The following LTBP1 variants were observed in gnomAD, a reference collection of about 807,000 sequenced individuals.
The protein encoded by LTBP1 is latent-transforming growth factor beta-binding protein 1.
Under a neutral mutation model 207.6 loss-of-function variants are expected in LTBP1, and 129 were observed. The ratio of observed to expected loss-of-function variants is 0.62; its 90% confidence interval spans 0.54 to 0.72. LTBP1 has a LOEUF of 0.72. LTBP1 is among the 30% of genes least tolerant of loss of function. The probability of loss-of-function intolerance (pLI) is 0.00; values close to 1 mark genes in which losing one functional copy is unlikely to be tolerated. For missense variants in LTBP1, 2,281 were observed against 2,217.2 expected, an observed-to-expected ratio of 1.03 and a Z score of -0.58; for synonymous variants, 963 against 833.7, an observed-to-expected ratio of 1.16 and a Z score of -2.67.
chr2:33,124,675 G>T (rs1432551421), intron 4 of LTBP1, among the ~76,000 whole-genome samples: 1 of 152,202 alleles, frequency 6.6e-6, no homozygotes, highest in Non-Finnish European at 1.5e-5. Context: ...GTATATCATG[G>T]TTTAAATGTC....
intron 2 of LTBP1, among the ~76,000 whole-genome samples, chr2:32,949,678 C>T (rs1037625): frequency 0.37 from 56,248 of 152,040 alleles, 10,712 homozygotes; most frequent in East Asian, 0.53. Context: ...CATAAAGGAG[C>T]CTTACCTTCC....
chr2:33,293,376 G>C, intron 20 of LTBP1, 94 bp downstream of exon 20: 1 of 1,310,692 alleles, frequency 7.6e-7, no homozygotes, highest in Non-Finnish European at 1.0e-6. Context: ...CCTGCTACCT[G>C]TGTTTATTTT....
intron 2 of LTBP1, among the ~76,000 whole-genome samples, chr2:32,969,243 G>GTA (rs1319415440): frequency 2.0e-5 from 3 of 147,770 alleles, no homozygotes; most frequent in Non-Finnish European, 4.5e-5. Flanking sequence ...GTGTGTGTGT[G>GTA]TGTGTGTGTG....
At chr2:33,137,698 G>A (rs1222412497) in intron 5 of LTBP1, among the ~76,000 whole-genome samples, 1 of 93,442 alleles carries the variant, frequency 1.1e-5, no homozygotes, top group Non-Finnish European at 2.5e-5. Flanking sequence ...TACAGTTTTT[G>A]TTTGTTTGTT....
At chr2:33,089,534 C>T in intron 3 of LTBP1, among the ~76,000 whole-genome samples, 1 of 152,188 alleles carries the variant, frequency 6.6e-6, no homozygotes, top group African/African-American at 2.4e-5. Context: ...TAGCCCCCTA[C>T]AACAGAGAAT....
At chr2:33,323,176 C>G (rs1384196058) in intron 24 of LTBP1, among the ~76,000 whole-genome samples, 1 of 152,168 alleles carries the variant, frequency 6.6e-6, no homozygotes, top group Non-Finnish European at 1.5e-5. Context: ...AGAACACTTA[C>G]ACTAGCCTAT....
chr2:32,951,321 C>G (rs1189308219), intron 2 of LTBP1, among the ~76,000 whole-genome samples: 2 of 152,192 alleles, frequency 1.3e-5, no homozygotes, highest in African/African-American at 4.8e-5. Flanking sequence ...ATTCACAGCT[C>G]TCTTCAGAAA....
rs551101598 is a variant in LTBP1, at chr2:33,010,814, G to C, written c.566-10095G>C. On this transcript the variant is annotated intron_variant, in intron 2 of 33. Coordinates refer to ENST00000404816, the MANE Select transcript of LTBP1 (RefSeq NM_206943.4). ...GTCTCACTGCAACCTCTGCCTCCTG[G>C]GTTCAAGTGATTCTTCTGCCTCAGC... Among the ~76,000 whole-genome samples, 49 of 151,250 alleles carry C rather than the reference G, an allele frequency of 3.2e-4. 1 individual carries two copies. The highest frequency in any genetic ancestry group is 1.1e-3 in the African/African-American group (46 of 41,142).
At chr2:33,325,842 T>G (rs2094419490) in intron 24 of LTBP1, among the ~76,000 whole-genome samples, 1 of 152,208 alleles carries the variant, frequency 6.6e-6, no homozygotes, top group South Asian at 2.1e-4. Flanking sequence ...TACCTACAGG[T>G]GTAGAAAGGT....
rs190078935 is a variant in LTBP1, at chr2:32,987,390, T to C, written c.566-33519T>C. Among the ~76,000 whole-genome samples the C allele has an allele frequency of 7.9e-5, 12 of 152,138 alleles. No homozygotes were observed. The East Asian group carries it at 1.9e-3, about 25-fold the overall frequency. On this transcript the variant is annotated intron_variant, in intron 2 of 33. Coordinates refer to ENST00000404816, the MANE Select transcript of LTBP1 (RefSeq NM_206943.4). ...CTGTCCTTGCTTGCTGTTCATGTAT[T>C]GAGGGGGTTGCATCAGCTGGGCCAG...
intron 5 of LTBP1, among the ~76,000 whole-genome samples, chr2:33,139,652 G>C (rs1329478414): frequency 6.6e-6 from 1 of 152,204 alleles, no homozygotes; most frequent in Non-Finnish European, 1.5e-5. Context: ...CCTGATTGTG[G>C]ACTGAAGGGA....
intron 3 of LTBP1, among the ~76,000 whole-genome samples, chr2:33,067,274 A>C (rs2077560005): frequency 6.6e-6 from 1 of 152,256 alleles, no homozygotes. Context: ...GTTGATAATG[A>C]ATTCAACATA....
chr2:33,327,153 G>A (rs895408447), intron 24 of LTBP1, among the ~76,000 whole-genome samples: 4 of 152,128 alleles, frequency 2.6e-5, no homozygotes, highest in South Asian at 4.1e-4. Context: ...CTGGGAAGGG[G>A]GTGAGTCCAG....
intron 15 of LTBP1, among the ~76,000 whole-genome samples, chr2:33,265,229 C>G (rs2093141828): frequency 6.6e-6 from 1 of 152,154 alleles, no homozygotes. Flanking sequence ...ATCCCTTAGC[C>G]CAGTCCAGTT....
At chr2:33,322,722 G>A (rs1480032308) in intron 24 of LTBP1, among the ~76,000 whole-genome samples, 3 of 152,194 alleles carry the variant, frequency 2.0e-5, no homozygotes, top group Non-Finnish European at 2.9e-5. Context: ...AGCTTAGAAT[G>A]AGGGCATTTA....
chr2:32,976,128 GGGTTCAGTTGACTA>G (rs1195365062), intron 2 of LTBP1, among the ~76,000 whole-genome samples: 10 of 152,122 alleles, frequency 6.6e-5, no homozygotes, highest in African/African-American at 2.4e-4. Flanking sequence ...GGTCTAAAGT[GGGTTCAGTTGACTA>G]GGTTCAGTTG....
intron 2 of LTBP1, among the ~76,000 whole-genome samples, chr2:33,004,814 T>TATATATATATATATATATATATAA (rs1178147190): frequency 2.9e-5 from 4 of 136,560 alleles, no homozygotes; most frequent in Admixed American, 1.5e-4. Context: ...TATATATATA[T>TATATATATATATATATATATATAA]AAACATAAAA....
intron 3 of LTBP1, among the ~76,000 whole-genome samples, chr2:33,070,772 T>C (rs955664178): frequency 2.0e-5 from 3 of 152,034 alleles, no homozygotes; most frequent in African/African-American, 7.2e-5. Context: ...TTTCTTAGAG[T>C]GTTGAGCTCA....
chr2:33,083,213 G>T (rs1461043499), intron 3 of LTBP1, among the ~76,000 whole-genome samples: 2 of 151,946 alleles, frequency 1.3e-5, no homozygotes, highest in Non-Finnish European at 2.9e-5. Flanking sequence ...GGCTTAGTCA[G>T]GATCATTTGT....
Sources: gnomAD v4.1 joint callset for allele counts (sites outside exome capture counted in the v4.1 genomes callset) on GRCh38, gnomAD v4.1.1 for gene constraint, MANE v1.5 for transcripts, NCBI Gene and HGNC (gene_info 2026-07-23, HGNC 2026-07-21) for gene names.